CRMP1: variants seen among roughly 807,000 people sequenced by gnomAD.
CRMP1 encodes collapsin response mediator protein 1.
CRMP1 carries 19 observed loss-of-function variants against 68.3 expected under a neutral mutation model. The observed-to-expected ratio is 0.28, with a 90% confidence interval of 0.19 to 0.41. The LOEUF is 0.41. Ranked by LOEUF, CRMP1 falls within the 10% of genes least tolerant of loss-of-function variation. The probability of loss-of-function intolerance (pLI) is 1.00; values close to 1 mark genes in which losing one functional copy is unlikely to be tolerated. For synonymous variants in CRMP1, 439 were observed against 399.6 expected, an observed-to-expected ratio of 1.10 and a Z score of -1.18; for missense variants, 791 against 967.4, an observed-to-expected ratio of 0.82 and a Z score of 2.42.
At chr4:5,852,866 C>T (rs1179916153) in intron 4 of CRMP1, among the ~76,000 whole-genome samples, 6 of 152,070 alleles carry the variant, frequency 3.9e-5, no homozygotes, top group Non-Finnish European at 8.8e-5. Context: ...CAGCTCAGCA[C>T]GAACAGGAGA....
Position 5,892,716 on chromosome 4 carries a change from G to A in CRMP1, c.254C>T (p.Ala85Val). The change falls in exon 1 of 14, where the codon GCC (alanine) becomes GTC (valine). Residue 85 changes from alanine (A) to valine (V), a missense_variant. This residue lies in a region of CRMP1 where 193 missense variants were observed against 186.3 expected (regional missense o/e 1.04). Coordinates refer to ENST00000324989, the MANE Select transcript of CRMP1 (RefSeq NM_001014809.3). The surrounding 1 kb of genome is among the most constrained non-coding windows in gnomAD (Gnocchi z 8.6). ...GCCCGAGGGCTCGCTCACGTCGCTGGCCGTGTCCTCGCTGCCTCCCGGCCC... is the reference window on the plus strand; with the variant it reads ...GCCCGAGGGCTCGCTCACGTCGCTGACCGTGTCCTCGCTGCCTCCCGGCCC... ...LPGPGGSEDT[A>V]SDVSEPSGSA... The A allele has an allele frequency of 8.1e-7, 1 of 1,229,344 alleles. No individual in the cohort carries two copies. The highest frequency in any genetic ancestry group is 1.6e-5 in the African/African-American group (1 of 63,030). 76.2% of individuals were successfully genotyped at this position (1,229,344 alleles called of 1,614,324 possible). A position where few individuals can be genotyped will look rare whatever the true frequency, so the allele number is the denominator to read the frequency against.
intron 9 of CRMP1, among the ~76,000 whole-genome samples, chr4:5,839,005 C>T (rs558945024): frequency 2.0e-5 from 3 of 152,318 alleles, no homozygotes; most frequent in African/African-American, 7.2e-5. Flanking sequence ...AGGGAAGGGG[C>T]TGAGGTGCTG....
At chr4:5,823,343 C>A (rs73079525) in intron 13 of CRMP1, among the ~76,000 whole-genome samples, 13,000 of 152,258 alleles carry the variant, frequency 0.085, 794 homozygotes, top group African/African-American at 0.17. Flanking sequence ...ATACAAGTCT[C>A]CCCTAAAGGC....
chr4:5,836,618 G>C, intron 10 of CRMP1, 147 bp downstream of exon 10: 3 of 1,078,880 alleles, frequency 2.8e-6, no homozygotes, highest in Non-Finnish European at 4.1e-6. Context: ...CTCAAGTTAT[G>C]CGTTCCCTCC....
At chr4:5,882,342 C>T (rs1397417712) in intron 1 of CRMP1, among the ~76,000 whole-genome samples, 2 of 152,220 alleles carry the variant, frequency 1.3e-5, no homozygotes, top group African/African-American at 2.4e-5. Context: ...AGACTCACTA[C>T]CCACCAGTAA....
In CRMP1 at chr4:5,891,208, A is replaced by G. The variant is rs1715933355; in HGVS notation, c.381+1381T>C. ...CACACACACACACACACACACACAC[A>G]CACACCCTTGCTGTTGGACCTCTCC... On this transcript the variant is annotated intron_variant, in intron 1 of 13. Coordinates refer to ENST00000324989, the MANE Select transcript of CRMP1 (RefSeq NM_001014809.3). The surrounding 1 kb of genome is among the most constrained non-coding windows in gnomAD (Gnocchi z 5.2). Among the ~76,000 whole-genome samples, 1 of 151,138 alleles carries G rather than the reference A, an allele frequency of 6.6e-6. No homozygotes were observed. Among genetic ancestry groups the G allele is most frequent in the African/African-American group, 2.4e-5 (1 of 41,002 alleles).
At position 5,866,787 on chromosome 4, in the gene CRMP1, T is replaced by TGGCTTTTCACCAAGGATCC; in HGVS notation, c.382-32_382-31insGGATCCTTGGTGAAAAGCC. 1 of 1,501,300 alleles carries TGGCTTTTCACCAAGGATCC rather than the reference T, an allele frequency of 6.7e-7. No homozygotes were observed. Among genetic ancestry groups the TGGCTTTTCACCAAGGATCC allele is most frequent in the South Asian group, 1.3e-5 (1 of 79,676 alleles). The allele number at this position is 1,501,300 out of a possible 1,614,324, so 93.0% of individuals were successfully genotyped here. A position where few individuals can be genotyped will look rare whatever the true frequency, so the allele number is the denominator to read the frequency against. The stretch of plus-strand genomic sequence containing the variant: ...AAGCAAGGCAAAGTATTAAGGATCC[T>TGGCTTTTCACCAAGGATCC]TGGTGAAAAGCCAGGATAAAGTTTT... On this transcript the variant is annotated intron_variant, in intron 1 of 13. Transcript: ENST00000324989. This position sits in a 1 kb window ranked among gnomAD's most constrained non-coding sequence, Gnocchi z 5.9.
At chr4:5,822,072 A>C (rs1215465301) in intron 13 of CRMP1, among the ~76,000 whole-genome samples, 1 of 152,162 alleles carries the variant, frequency 6.6e-6, no homozygotes, top group East Asian at 1.9e-4. Context: ...AGCCCTGACC[A>C]CCTTGTGGTG....
At chr4:5,832,248 T>G (rs564915202) in intron 11 of CRMP1, among the ~76,000 whole-genome samples, 1 of 152,260 alleles carries the variant, frequency 6.6e-6, no homozygotes, top group Non-Finnish European at 1.5e-5. Context: ...GAATTATGAT[T>G]GTACAACCTT....
chr4:5,832,873 T>G lies in CRMP1; in HGVS notation c.1623+3042A>C, dbSNP rs149912453. On this transcript the variant is annotated intron_variant, in intron 11 of 13. Transcript: ENST00000324989. Reference sequence around the variant, plus strand: ...CCCATTACCTCAGAATGTGACCTTATTTGGAAACAGAGATTTTGCAGGTAT... The same window carrying G: ...CCCATTACCTCAGAATGTGACCTTAGTTGGAAACAGAGATTTTGCAGGTAT... 4.9e-3 allele frequency among the ~76,000 whole-genome samples: 744 copies of G among 152,284 alleles called. 6 individuals carry two copies. Among genetic ancestry groups the G allele is most frequent in the African/African-American group, 0.017 (695 of 41,546 alleles).
chr4:5,864,632 C>T (rs1227797291), intron 2 of CRMP1, among the ~76,000 whole-genome samples: 1 of 152,194 alleles, frequency 6.6e-6, no homozygotes, highest in Non-Finnish European at 1.5e-5. Context: ...GTGGCTGCAA[C>T]AGACAGCAGC....
At chr4:5,862,686 C>T (rs537060798) in intron 2 of CRMP1, among the ~76,000 whole-genome samples, 2 of 152,138 alleles carry the variant, frequency 1.3e-5, no homozygotes, top group Non-Finnish European at 2.9e-5. Context: ...TAGACATGCA[C>T]GTGGTGTGTC....
chr4:5,841,120 G>A lies in CRMP1; in HGVS notation c.1153+188C>T, dbSNP rs1711688784. ...CTCTTTAAATGGAGCTGAGCTTATC[G>A]AGGTGAATATCCTAAGGTCATTGGG... On this transcript the variant is annotated intron_variant, in intron 8 of 13. Coordinates refer to ENST00000324989, the MANE Select transcript of CRMP1 (RefSeq NM_001014809.3). The surrounding 1 kb of genome is among the most constrained non-coding windows in gnomAD (Gnocchi z 6.9). Among the ~76,000 whole-genome samples, 1 of 152,028 alleles carries A rather than the reference G, an allele frequency of 6.6e-6. No individual in the cohort carries two copies. Among genetic ancestry groups the A allele is most frequent in the Non-Finnish European group, 1.5e-5 (1 of 68,010 alleles).
In CRMP1 at chr4:5,879,318, G is replaced by A. The variant is rs1445247399; in HGVS notation, c.382-12562C>T. Among the ~76,000 whole-genome samples, 11 of 152,262 alleles carry A rather than the reference G, an allele frequency of 7.2e-5. No individual in the cohort carries two copies. The highest frequency in any genetic ancestry group is 1.9e-4 in the East Asian group (1 of 5,190). ...CATTGCTTTCCAACTCCTTAGTCAC[G>A]TGCAGTGTCTTGAGTCCAGGATCAC... On this transcript the variant is annotated intron_variant, in intron 1 of 13. Transcript: ENST00000324989. The surrounding 1 kb of genome is among the most constrained non-coding windows in gnomAD (Gnocchi z 4.2).
rs1426314882 is a variant in CRMP1, at chr4:5,821,320, CTCAG to C, written c.*436_*439del. The C allele has an allele frequency of 1.9e-4, 30 of 160,824 alleles. No homozygotes were observed. The highest frequency in any genetic ancestry group is 3.8e-4 in the Non-Finnish European group (28 of 73,292). The allele number at this position is 160,824 out of a possible 1,614,324, so 10.0% of individuals were successfully genotyped here. On this transcript the variant is annotated 3_prime_UTR_variant, in exon 14 of 14. Coordinates refer to ENST00000324989, the MANE Select transcript of CRMP1 (RefSeq NM_001014809.3). This position sits in a 1 kb window ranked among gnomAD's most constrained non-coding sequence, Gnocchi z 4.4. Reference sequence around the variant, plus strand: ...AGGGCTTGAGGTCTCGGCATCGTGTCTCAGTCAGTCCTTGGCGATGTCCCCTCAG... The same window carrying C: ...AGGGCTTGAGGTCTCGGCATCGTGTCTCAGTCCTTGGCGATGTCCCCTCAG...
In CRMP1 at chr4:5,821,760, T is replaced by G; in HGVS notation, c.2061A>C (p.Ter687CysextTer25). The change falls in exon 14 of 14, where the codon TGA (stop) becomes TGC (cysteine). Residue 687 changes from the stop codon to cysteine, a stop_lost. Coordinates refer to ENST00000324989, the MANE Select transcript of CRMP1 (RefSeq NM_001014809.3). The surrounding 1 kb of genome is among the most constrained non-coding windows in gnomAD (Gnocchi z 4.4). ...GGRSNITSLG[*>C] ...GGCTAGCTCCTCCGCGCATCCACGTTCAACCGAGGCTGGTGATGTTGGAGC... is the reference window on the plus strand; with the variant it reads ...GGCTAGCTCCTCCGCGCATCCACGTGCAACCGAGGCTGGTGATGTTGGAGC... 1 of 1,608,254 alleles carries G rather than the reference T, an allele frequency of 6.2e-7. No homozygotes were observed.
intron 6 of CRMP1, among the ~76,000 whole-genome samples, chr4:5,846,734 G>A (rs971118601): frequency 1.4e-5 from 2 of 144,764 alleles, no homozygotes; most frequent in African/African-American, 5.3e-5. Flanking sequence ...AGGATTACAG[G>A]CACCCGCCAC....
intron 12 of CRMP1, chr4:5,828,268 C>G (rs1486672385): frequency 1.9e-5 from 19 of 985,266 alleles, no homozygotes; most frequent in Non-Finnish European, 2.2e-5. Flanking sequence ...CACCCCTCTA[C>G]AGTTTGCAAA....
intron 6 of CRMP1, among the ~76,000 whole-genome samples, chr4:5,844,282 A>G (rs938347417): frequency 2.0e-5 from 3 of 151,050 alleles, no homozygotes; most frequent in Admixed American, 6.6e-5. Flanking sequence ...ATTTTAGAAT[A>G]CCGAGAAATC....
Sources: gnomAD v4.1 joint callset for allele counts (sites outside exome capture counted in the v4.1 genomes callset) on GRCh38, gnomAD v4.1.1 for gene constraint, gnomAD v4.1.1 regional missense constraint, Gnocchi (gnomAD v3.1) non-coding constraint, MANE v1.5 for transcripts, NCBI Gene and HGNC (gene_info 2026-07-23, HGNC 2026-07-21) for gene names.